Variants in CDCA7L observed in about 807,000 individuals in gnomAD.
CDCA7L encodes the protein cell division cycle-associated 7-like protein.
CDCA7L carries 44 observed loss-of-function variants against 57.4 expected under a neutral mutation model. The ratio of observed to expected loss-of-function variants is 0.77; its 90% CI spans 0.60 to 0.98. The LOEUF is 0.98. CDCA7L is among the 50% of genes least tolerant of loss of function. The pLI, the probability that CDCA7L is intolerant of heterozygous loss-of-function variation, is 0.00. For synonymous variants in CDCA7L, 236 were observed against 202.8 expected (o/e 1.16, Z -1.39); for missense variants, 644 against 580.6 (o/e 1.11, Z -1.12).
At chr7:21,911,961 CA>C (rs1367856463) in intron 2 of CDCA7L, among the ~76,000 whole-genome samples, 25 of 142,020 alleles carry the variant, frequency 1.8e-4, no homozygotes, top group Non-Finnish European at 3.3e-4. Flanking sequence ...TGTATTTTAC[CA>C]CAAAAAAAAA....
chr7:21,923,156 T>G (rs1256263936), intron 1 of CDCA7L, among the ~76,000 whole-genome samples: 1 of 152,196 alleles, frequency 6.6e-6, no homozygotes, highest in Non-Finnish European at 1.5e-5. Context: ...TATATGTATC[T>G]TAGCACAATT....
At position 21,901,098 on chromosome 7, in the gene CDCA7L, C is replaced by T. The variant is rs763264851; in HGVS notation, c.*1224G>A. ...TGCCGGTCATCTTTGCAAAAGCCAC[C>T]CCCGTGGACAGACAAGAAACCAAAC... On this transcript the variant is annotated 3_prime_UTR_variant, in exon 10 of 10. Coordinates refer to ENST00000406877, the MANE Select transcript of CDCA7L (RefSeq NM_018719.5). 1.2e-6 allele frequency: 2 copies of T among 1,613,474 alleles called. No individual in the cohort carries two copies. Among genetic ancestry groups the T allele is most frequent in the African/African-American group, 2.7e-5 (2 of 74,904 alleles).
Position 21,902,360 on chromosome 7 carries a change from A to AAAGATGAGAAGTATTTGGTAAAGTAGT in CDCA7L, c.1335-35_1335-9dup. The AAAGATGAGAAGTATTTGGTAAAGTAGT allele has an allele frequency of 1.2e-6, 2 of 1,613,762 alleles. No individual in the cohort carries two copies. Among genetic ancestry groups the AAAGATGAGAAGTATTTGGTAAAGTAGT allele is most frequent in the South Asian group, 2.2e-5 (2 of 91,074 alleles). On this transcript the variant is annotated splice_polypyrimidine_tract_variant and intron_variant, in intron 9 of 9. Coordinates refer to ENST00000406877, the MANE Select transcript of CDCA7L (RefSeq NM_018719.5). ...ACCAGCTCCTTTTGTAAGCTGGGAA[A>AAAGATGAGAAGTATTTGGTAAAGTAGT]AAGATGAGAAGTATTTGGTAAAGTA... is the stretch of plus-strand genomic sequence containing the variant.
chr7:21,924,812 C>T (rs1785773180), intron 1 of CDCA7L, among the ~76,000 whole-genome samples: 1 of 152,188 alleles, frequency 6.6e-6, no homozygotes. Flanking sequence ...AGGAAAGCCA[C>T]ACACTGGGAG....
At chr7:21,918,366 G>C (rs1242806887) in intron 1 of CDCA7L, among the ~76,000 whole-genome samples, 2 of 152,190 alleles carry the variant, frequency 1.3e-5, no homozygotes, top group Non-Finnish European at 2.9e-5. Flanking sequence ...TGTAGACATA[G>C]TATCATGTCA....
At chr7:21,942,583 G>A (rs554912129) in intron 1 of CDCA7L, among the ~76,000 whole-genome samples, 5 of 152,230 alleles carry the variant, frequency 3.3e-5, no homozygotes, top group African/African-American at 1.2e-4. Flanking sequence ...TGTAATGCCT[G>A]GCTTATTCTA....
At chr7:21,929,776 A>T (rs7786788) in intron 1 of CDCA7L, among the ~76,000 whole-genome samples, 8 of 151,758 alleles carry the variant, frequency 5.3e-5, no homozygotes, top group African/African-American at 1.9e-4. Flanking sequence ...AGCTAACTAC[A>T]CTAAATATAT....
At chr7:21,931,029 G>A (rs1467768521) in intron 1 of CDCA7L, among the ~76,000 whole-genome samples, 1 of 152,180 alleles carries the variant, frequency 6.6e-6, no homozygotes, top group Non-Finnish European at 1.5e-5. Flanking sequence ...AGAAAATCTA[G>A]AAGAAATGGA....
At chr7:21,906,942 C>T (rs1304675386) in intron 4 of CDCA7L, among the ~76,000 whole-genome samples, 2 of 152,150 alleles carry the variant, frequency 1.3e-5, no homozygotes, top group African/African-American at 4.8e-5. Flanking sequence ...GATCCCGACT[C>T]GGAGGCTAAT....
At chr7:21,918,206 A>G (rs1016636003) in intron 1 of CDCA7L, among the ~76,000 whole-genome samples, 5 of 152,226 alleles carry the variant, frequency 3.3e-5, no homozygotes, top group African/African-American at 1.2e-4. Context: ...ATTTTTCATT[A>G]TAAAAACTTT....
rs528860259 is a variant in CDCA7L at position 21,939,863 on chromosome 7, T to C, written c.24+5918A>G. On this transcript the variant is annotated intron_variant, in intron 1 of 9. Transcript: ENST00000406877. ...CACTCAGATGACAACCACAGAGTGA[T>C]TGAATCCAAAACTGAAATAGGAGCA... is the stretch of plus-strand genomic sequence containing the variant. Among the ~76,000 whole-genome samples the C allele has an allele frequency of 1.4e-4, 21 of 151,334 alleles. No homozygotes were observed. The South Asian group carries it at 1.5e-3, about 11-fold the overall frequency.
chr7:21,945,554 G>A (rs1291730258), intron 1 of CDCA7L, among the ~76,000 whole-genome samples: 1 of 152,038 alleles, frequency 6.6e-6, no homozygotes, highest in Non-Finnish European at 1.5e-5. Flanking sequence ...GGCTGAGCGC[G>A]GTTGTGTGCT....
chr7:21,902,911 C>T (rs917632603), intron 9 of CDCA7L, 67 bp downstream of exon 9: 28 of 1,511,676 alleles, frequency 1.9e-5, no homozygotes, highest in Non-Finnish European at 2.4e-5. Context: ...ACTACTTGCC[C>T]AGAGGGTCTC....
chr7:21,901,166 C>G lies in CDCA7L; in HGVS notation c.*1156G>C, dbSNP rs1384052490. ...GTGTATAGAACCAAACTGAGAGGCCCCAGCTACATCTGGACCTTCAGGCTG... is the reference window on the plus strand; with the variant it reads ...GTGTATAGAACCAAACTGAGAGGCCGCAGCTACATCTGGACCTTCAGGCTG... On this transcript the variant is annotated 3_prime_UTR_variant, in exon 10 of 10. Coordinates refer to ENST00000406877, the MANE Select transcript of CDCA7L (RefSeq NM_018719.5). 4 of 1,611,636 alleles carry G rather than the reference C, an allele frequency of 2.5e-6. No homozygotes were observed. In the East Asian group the frequency reaches 6.7e-5, roughly 27 times the overall value.
At chr7:21,905,356 G>A in intron 7 of CDCA7L, 150 bp downstream of exon 7, 1 of 800,524 alleles carries the variant, frequency 1.2e-6, no homozygotes, top group Non-Finnish European at 2.0e-6. Context: ...CCCTTTCCCA[G>A]GTACAGCTGA....
chr7:21,941,611 G>C (rs1456337315), intron 1 of CDCA7L, among the ~76,000 whole-genome samples: 2 of 152,130 alleles, frequency 1.3e-5, no homozygotes, highest in African/African-American at 4.8e-5. Flanking sequence ...TCCTAAAAAA[G>C]AACCAGACTA....
chr7:21,901,388 T>TA lies in CDCA7L; in HGVS notation c.*933dup. The TA allele has an allele frequency of 7.9e-7, 1 of 1,272,226 alleles. No homozygotes were observed. Among genetic ancestry groups the TA allele is most frequent in the Non-Finnish European group, 1.0e-6 (1 of 982,136 alleles). 78.8% of individuals were successfully genotyped at this position (1,272,226 alleles called of 1,614,324 possible). A position where few individuals can be genotyped will look rare whatever the true frequency, so the allele number is the denominator to read the frequency against. On this transcript the variant is annotated 3_prime_UTR_variant, in exon 10 of 10. Transcript: ENST00000406877. ...TGCATTCTTTTTTCAACGCTATCCT[T>TA]AGAGTGAAAGTCAGAAAAAAATACT... is the stretch of plus-strand genomic sequence containing the variant.
chr7:21,945,837 A>G lies in CDCA7L; in HGVS notation c.-33T>C. 2 of 1,591,968 alleles carry G rather than the reference A, an allele frequency of 1.3e-6. No individual in the cohort carries two copies. Among genetic ancestry groups the G allele is most frequent in the Non-Finnish European group, 8.5e-7 (1 of 1,171,198 alleles). On this transcript the variant is annotated 5_prime_UTR_variant, in exon 1 of 10. Transcript: ENST00000406877. ...AACCGGGCTCCAGTCTCCTCCCAGC[A>G]CGCGGCCACGGGAGCCCGGACTCAC...
chr7:21,933,716 G>A (rs1202273159), intron 1 of CDCA7L, among the ~76,000 whole-genome samples: 1 of 151,994 alleles, frequency 6.6e-6, no homozygotes, highest in Non-Finnish European at 1.5e-5. Flanking sequence ...ACGGGTTAAT[G>A]GGTGCAGCAA....
Sources: gnomAD v4.1 joint callset for allele counts (sites outside exome capture counted in the v4.1 genomes callset) on GRCh38, gnomAD v4.1.1 for gene constraint, MANE v1.5 for transcripts, NCBI Gene and HGNC (gene_info 2026-07-23, HGNC 2026-07-21) for gene names.